The following NKAIN3 variants were observed in gnomAD, a reference collection of about 807,000 sequenced individuals.
NKAIN3 encodes the protein sodium/potassium-transporting ATPase subunit beta-1-interacting protein 3.
A neutral mutation model predicts 30.2 loss-of-function variants in NKAIN3; 25 were observed. The observed-to-expected ratio is 0.83, with a 90% CI of 0.60 to 1.16. NKAIN3 has a LOEUF of 1.16. Among genes scored for constraint, NKAIN3 ranks in the 50% most tolerant of loss-of-function variants. NKAIN3 has a pLI of 0.00. For synonymous variants in NKAIN3, 91 were observed against 89.6 expected (o/e 1.02, Z -0.09); for missense variants, 225 against 254.1 (o/e 0.89, Z 0.78).
intron 4 of NKAIN3, 138 bp from the exon 5 acceptor site, chr8:62,918,306 AATCACAGCT>A: frequency 1.5e-6 from 1 of 672,656 alleles, no homozygotes; most frequent in Non-Finnish European, 2.6e-6. Flanking sequence ...GCTCTTTTAA[AATCACAGCT>A]ATCATTTTAA....
intron 4 of NKAIN3, among the ~76,000 whole-genome samples, chr8:62,893,687 C>T (rs561727213): frequency 2.0e-5 from 3 of 151,932 alleles, no homozygotes; most frequent in Non-Finnish European, 2.9e-5. Context: ...CACATATGCA[C>T]ATAACTAACT....
chr8:62,745,041 A>G (rs1421129562), intron 3 of NKAIN3, among the ~76,000 whole-genome samples: 1 of 152,194 alleles, frequency 6.6e-6, no homozygotes, highest in Non-Finnish European at 1.5e-5. Flanking sequence ...CTTGTGATTC[A>G]CTTACCATAT....
At chr8:62,464,346 C>T (rs1353745861) in intron 1 of NKAIN3, among the ~76,000 whole-genome samples, 8 of 152,224 alleles carry the variant, frequency 5.3e-5, no homozygotes, top group Non-Finnish European at 2.9e-5. Context: ...TTGCTGATAA[C>T]AGCGTATTTC....
At chr8:62,668,224 C>T (rs1292413160) in intron 3 of NKAIN3, among the ~76,000 whole-genome samples, 1 of 152,038 alleles carries the variant, frequency 6.6e-6, no homozygotes, top group Non-Finnish European at 1.5e-5. Context: ...TTCTCGATGC[C>T]CTTCCCATGA....
intron 1 of NKAIN3, among the ~76,000 whole-genome samples, chr8:62,456,303 C>G (rs142705071): frequency 1.3e-5 from 2 of 151,990 alleles, no homozygotes; most frequent in Non-Finnish European, 2.9e-5. Flanking sequence ...GGGCGGATCA[C>G]GAGGTCAGGA....
At chr8:62,511,274 C>G (rs985848693) in intron 1 of NKAIN3, among the ~76,000 whole-genome samples, 2 of 152,134 alleles carry the variant, frequency 1.3e-5, no homozygotes, top group Non-Finnish European at 2.9e-5. Flanking sequence ...GCGGGGTTCC[C>G]TGTGCCCTCC....
At chr8:62,445,147 T>C (rs890729794) in intron 1 of NKAIN3, among the ~76,000 whole-genome samples, 2 of 152,120 alleles carry the variant, frequency 1.3e-5, no homozygotes, top group African/African-American at 4.8e-5. Context: ...GGTTTCACCA[T>C]GTTGGCCAGG....
At chr8:62,499,270 G>T (rs894492800) in intron 1 of NKAIN3, among the ~76,000 whole-genome samples, 2 of 151,950 alleles carry the variant, frequency 1.3e-5, no homozygotes, top group Non-Finnish European at 2.9e-5. Context: ...TGTACTTTCT[G>T]TTCTTTTTGC....
At chr8:62,583,712 C>G (rs906309572) in intron 2 of NKAIN3, among the ~76,000 whole-genome samples, 3 of 152,050 alleles carry the variant, frequency 2.0e-5, no homozygotes, top group Non-Finnish European at 4.4e-5. Context: ...CTGGCAGATT[C>G]CAGATGATAA....
intron 1 of NKAIN3, among the ~76,000 whole-genome samples, chr8:62,428,132 C>T (rs1438033578): frequency 2.6e-5 from 4 of 151,858 alleles, no homozygotes; most frequent in East Asian, 1.9e-4. Context: ...ATTAAAATAA[C>T]GTCCTACAGT....
At chr8:62,865,877 G>A (rs1820399753) in intron 4 of NKAIN3, among the ~76,000 whole-genome samples, 1 of 152,146 alleles carries the variant, frequency 6.6e-6, no homozygotes, top group Non-Finnish European at 1.5e-5. Context: ...GTTCTATGTA[G>A]CATATGTTGC....
At chr8:62,612,386 A>G (rs1210743728) in intron 3 of NKAIN3, among the ~76,000 whole-genome samples, 3 of 151,830 alleles carry the variant, frequency 2.0e-5, no homozygotes, top group South Asian at 4.2e-4. Flanking sequence ...GTCACTCCCT[A>G]TAGTTTTTGT....
chr8:62,744,665 AGGG>A (rs1816010254), intron 3 of NKAIN3, among the ~76,000 whole-genome samples: 1 of 152,214 alleles, frequency 6.6e-6, no homozygotes, highest in African/African-American at 2.4e-5. Context: ...TGACCAAAAA[AGGG>A]AGCAATCAGT....
intron 1 of NKAIN3, among the ~76,000 whole-genome samples, chr8:62,400,701 G>T (rs1803830850): frequency 6.7e-6 from 1 of 148,380 alleles, no homozygotes; most frequent in African/African-American, 2.5e-5. Flanking sequence ...AAAGTTAACA[G>T]TTTTTTTTTT....
intron 1 of NKAIN3, among the ~76,000 whole-genome samples, chr8:62,318,343 G>A (rs1477463931): frequency 6.6e-6 from 1 of 152,164 alleles, no homozygotes; most frequent in Non-Finnish European, 1.5e-5. Context: ...ATGTTGAATA[G>A]GAGTGGTGAG....
chr8:62,920,936 A>G (rs1432271941), intron 5 of NKAIN3, among the ~76,000 whole-genome samples: 1 of 152,198 alleles, frequency 6.6e-6, no homozygotes, highest in East Asian at 1.9e-4. Flanking sequence ...TATATTTTTT[A>G]TTGAATGAGG....
chr8:62,624,581 T>C (rs1302691536), intron 3 of NKAIN3, among the ~76,000 whole-genome samples: 1 of 151,858 alleles, frequency 6.6e-6, no homozygotes, highest in Non-Finnish European at 1.5e-5. Context: ...TAGGTTTTGT[T>C]TGTTTGTTTG....
chr8:62,866,673 T>A (rs988976304), intron 4 of NKAIN3, among the ~76,000 whole-genome samples: 2 of 152,174 alleles, frequency 1.3e-5, no homozygotes, highest in Non-Finnish European at 2.9e-5. Flanking sequence ...TCCATATGCC[T>A]TTGCAATAAC....
intron 1 of NKAIN3, among the ~76,000 whole-genome samples, chr8:62,419,161 A>C (rs539346033): frequency 2.0e-5 from 3 of 152,132 alleles, no homozygotes; most frequent in African/African-American, 7.2e-5. Context: ...GGAAGTCAAC[A>C]CCTTGACCCC....
Sources: gnomAD v4.1 joint callset for allele counts (sites outside exome capture counted in the v4.1 genomes callset) on GRCh38, gnomAD v4.1.1 for gene constraint, MANE v1.5 for transcripts, NCBI Gene and HGNC (gene_info 2026-07-23, HGNC 2026-07-21) for gene names.